DELE1: variants seen among roughly 807,000 people sequenced by gnomAD.
The protein encoded by DELE1 is DAP3 binding cell death enhancer 1.
In DELE1, 54 loss-of-function variants were observed where a neutral mutation model predicts 59.3. That is an observed-to-expected ratio of 0.91 (90% confidence interval 0.73 to 1.14). The LOEUF (loss-of-function observed/expected upper bound fraction) is 1.14, where lower values mean the gene tolerates loss of function less well. Ranked by LOEUF, DELE1 falls within the 50% of genes most tolerant of loss-of-function variation. The pLI, the probability that DELE1 is intolerant of heterozygous loss-of-function variation, is 0.00. For synonymous variants in DELE1, 264 were observed against 259.1 expected (o/e 1.02, Z -0.18); for missense variants, 636 against 643.9 (o/e 0.99, Z 0.13).
chr5:141,938,958 G>A lies in DELE1; in HGVS notation c.*199G>A, dbSNP rs150776952. 1.4e-6 allele frequency: 2 copies of A among 1,409,832 alleles called. No individual in the cohort carries two copies. The highest frequency in any genetic ancestry group is 1.4e-5 in the African/African-American group (1 of 69,136). The allele number at this position is 1,409,832 out of a possible 1,614,324, so 87.3% of individuals were successfully genotyped here. ...GTAGCCTCACAGATGAGTCTTGGAT[G>A]CATTCACAGTCATTTCTGGTCTGTG... On this transcript the variant is annotated 3_prime_UTR_variant, in exon 12 of 12. Transcript: ENST00000432126.
chr5:141,937,336 C>G lies in DELE1; in HGVS notation c.1288C>G (p.Leu430Val). The G allele has an allele frequency of 4.3e-6, 7 of 1,614,120 alleles. No individual in the cohort carries two copies. Among genetic ancestry groups the G allele is most frequent in the Admixed American group, 1.7e-5 (1 of 60,018 alleles). The change falls in exon 11 of 12, where the codon CTC becomes GTC. Residue 430 changes from leucine (L) to valine (V), a missense_variant. Leu to Val is a conservative substitution (Grantham distance 32). Transcript: ENST00000432126. ...GGCCGCCCAGGAGAGGCTGCGAGCC[C>G]TCTTTTCCATGGGGGCTGCAGGTAC... ...NEAAQERLRA[L>V]FSMGAAAPGP...
At chr5:141,924,453 A>G (rs1009173626) in intron 1 of DELE1, 128 bp from the exon 2 acceptor site, 28 of 660,406 alleles carry the variant, frequency 4.2e-5, no homozygotes, top group Non-Finnish European at 3.6e-5. Context: ...GTTCTGGGGT[A>G]CTACCCTAGA....
In DELE1 at chr5:141,939,742, A is replaced by G; in HGVS notation, c.*983A>G. On this transcript the variant is annotated 3_prime_UTR_variant, in exon 12 of 12. Transcript: ENST00000432126. ...GCTCTGCCACTTGCCTGGCCATGTC[A>G]CCTTGAAGCTGTGACCTGACTCCCT... 1 of 969,180 alleles carries G rather than the reference A, an allele frequency of 1.0e-6. No homozygotes were observed. The highest frequency in any genetic ancestry group is 4.8e-5 in the South Asian group (1 of 20,956). The allele number at this position is 969,180 out of a possible 1,614,324, so 60.0% of individuals were successfully genotyped here. A position where few individuals can be genotyped will look rare whatever the true frequency, so the allele number is the denominator to read the frequency against.
intron 2 of DELE1, 55 bp downstream of exon 2, chr5:141,924,750 A>ATT (rs372628786): frequency 3.2e-4 from 272 of 862,646 alleles, no homozygotes; most frequent in Non-Finnish European, 3.9e-4. Context: ...CTTTTTTTTT[A>ATT]TTTTTTTTTT....
intron 7 of DELE1, among the ~76,000 whole-genome samples, chr5:141,930,498 C>T (rs1751820234): frequency 6.6e-6 from 1 of 152,228 alleles, no homozygotes. Context: ...AATTCCAGCT[C>T]CTGCCCTCCT....
At chr5:141,934,168 T>A (rs1417473793) in intron 8 of DELE1, 72 bp from the exon 9 acceptor site, 2 of 1,340,948 alleles carry the variant, frequency 1.5e-6, no homozygotes, top group Admixed American at 2.6e-5. Context: ...AAATAATTTT[T>A]AAAAATTTCA....
At position 141,929,660 on chromosome 5, in the gene DELE1, A is replaced by G. The variant is rs1302978503; in HGVS notation, c.491A>G (p.Gln164Arg). ...GGCCTCAGGGAACCCAGGCTTGGCC[A>G]GGAAGAAGCCTCAGCTCAGCCCCGG... is the stretch of plus-strand genomic sequence containing the variant. ...HTGLREPRLG[Q>R]EEASAQPRNF... Residue 164 changes from glutamine (Q) to arginine (R), a missense_variant, in exon 5 of 12, where the codon CAG becomes CGG. Transcript: ENST00000432126. The G allele has an allele frequency of 6.2e-7, 1 of 1,614,096 alleles. No homozygotes were observed. The highest frequency in any genetic ancestry group is 8.5e-7 in the Non-Finnish European group (1 of 1,180,040).
chr5:141,930,088 T>C lies in DELE1; in HGVS notation c.657+14T>C. ...ACTGGTGAAAAGGTATTATCCAGAT[T>C]TGGCCACCTGGATCCCCATAACATT... On this transcript the variant is annotated intron_variant, in intron 6 of 11. Coordinates refer to ENST00000432126, the MANE Select transcript of DELE1 (RefSeq NM_014773.5). 6.2e-7 allele frequency: 1 copy of C among 1,613,286 alleles called. No individual in the cohort carries two copies. The highest frequency in any genetic ancestry group is 8.5e-7 in the Non-Finnish European group (1 of 1,179,286).
intron 7 of DELE1, among the ~76,000 whole-genome samples, chr5:141,930,964 T>C (rs1751861555): frequency 6.6e-6 from 1 of 152,226 alleles, no homozygotes; most frequent in Non-Finnish European, 1.5e-5. Context: ...CTGTTTTAGG[T>C]ACTGGGGATA....
rs1276372636 is a variant in DELE1, at chr5:141,933,118, A to G, written c.755-141A>G. On this transcript the variant is annotated intron_variant, in intron 7 of 11. Transcript: ENST00000432126. The stretch of plus-strand genomic sequence containing the variant: ...TCAAAAAAAAAAAAAAAAAATATAT[A>G]TATATATATATATATATGTAAAGTG... 2.0e-5 allele frequency: 3 copies of G among 153,054 alleles called. No individual in the cohort carries two copies. The East Asian group carries it at 5.4e-4, about 27-fold the overall frequency. The allele number at this position is 153,054 out of a possible 1,614,324, so 9.5% of individuals were successfully genotyped here.
chr5:141,937,167 G>A, intron 10 of DELE1, 31 bp from the exon 11 acceptor site: 1 of 1,612,858 alleles, frequency 6.2e-7, no homozygotes, highest in Non-Finnish European at 8.5e-7. Context: ...CTGCATGTGT[G>A]TATCTGTTTG....
Position 141,938,928 on chromosome 5 carries a change from G to A in DELE1, c.*169G>A, listed in dbSNP as rs546070476. The A allele has an allele frequency of 2.0e-5, 29 of 1,429,740 alleles. No homozygotes were observed. Among genetic ancestry groups the A allele is most frequent in the Middle Eastern group, 2.6e-4 (1 of 3,834 alleles). The allele number at this position is 1,429,740 out of a possible 1,614,324, so 88.6% of individuals were successfully genotyped here. A position where few individuals can be genotyped will look rare whatever the true frequency, so the allele number is the denominator to read the frequency against. On this transcript the variant is annotated 3_prime_UTR_variant, in exon 12 of 12. Coordinates refer to ENST00000432126, the MANE Select transcript of DELE1 (RefSeq NM_014773.5). ...TGGTAAGTGACTGATCTTTCCCCCC[G>A]CTTGGTAGCCTCACAGATGAGTCTT... is the stretch of plus-strand genomic sequence containing the variant.
Position 141,938,921 on chromosome 5 carries a change from T to C in DELE1, c.*162T>C, listed in dbSNP as rs1752578198. The stretch of plus-strand genomic sequence containing the variant: ...ACATGGCTGGTAAGTGACTGATCTT[T>C]CCCCCCGCTTGGTAGCCTCACAGAT... On this transcript the variant is annotated 3_prime_UTR_variant, in exon 12 of 12. Coordinates refer to ENST00000432126, the MANE Select transcript of DELE1 (RefSeq NM_014773.5). The C allele has an allele frequency of 5.6e-6, 8 of 1,432,736 alleles. No individual in the cohort carries two copies. Among genetic ancestry groups the C allele is most frequent in the Non-Finnish European group, 7.3e-6 (8 of 1,097,604 alleles). The allele number at this position is 1,432,736 out of a possible 1,614,324, so 88.8% of individuals were successfully genotyped here.
rs780550164 is a variant in DELE1 at position 141,934,476 on chromosome 5, C to G, written c.1057-18C>G. 1.2e-6 allele frequency: 2 copies of G among 1,614,214 alleles called. No individual in the cohort carries two copies. Among genetic ancestry groups the G allele is most frequent in the Non-Finnish European group, 1.7e-6 (2 of 1,180,018 alleles). On this transcript the variant is annotated intron_variant, in intron 9 of 11. Coordinates refer to ENST00000432126, the MANE Select transcript of DELE1 (RefSeq NM_014773.5). ...AAAGTGACCAAGATGCCTTCTTTTC[C>G]TTCCTCCTTGACCACAGGCCCAAGC...
chr5:141,936,316 A>C (rs1304862281), intron 10 of DELE1, among the ~76,000 whole-genome samples: 5 of 152,190 alleles, frequency 3.3e-5, no homozygotes, highest in African/African-American at 1.2e-4. Context: ...CAGTCTGGCT[A>C]TGCAGCTGGA....
chr5:141,929,197 G>T (rs906732434), intron 4 of DELE1, among the ~76,000 whole-genome samples: 1 of 152,168 alleles, frequency 6.6e-6, no homozygotes, highest in Admixed American at 6.5e-5. Context: ...AAACCTCAGG[G>T]AGGACTCAGT....
At chr5:141,935,879 C>T (rs1752311037) in intron 10 of DELE1, among the ~76,000 whole-genome samples, 2 of 152,352 alleles carry the variant, frequency 1.3e-5, no homozygotes, top group Admixed American at 6.5e-5. Context: ...TGGGTTTGTA[C>T]TGAGCAGTGT....
Position 141,939,091 on chromosome 5 carries a change from T to C in DELE1, c.*332T>C, listed in dbSNP as rs1752588319. 5 of 1,063,310 alleles carry C rather than the reference T, an allele frequency of 4.7e-6. No individual in the cohort carries two copies. In the African/African-American group the frequency reaches 8.3e-5, roughly 18 times the overall value. 65.9% of individuals were successfully genotyped at this position (1,063,310 alleles called of 1,614,324 possible). ...TGAGCAAATAACTTACCTTCTTCCT[T>C]CTTATGCCTGGGTTTTCTCACACTT... On this transcript the variant is annotated 3_prime_UTR_variant, in exon 12 of 12. Transcript: ENST00000432126.
In DELE1 at chr5:141,934,095, T is replaced by G. The variant is rs971325985; in HGVS notation, c.898-145T>G. ...TTATGTTTCTATTTTTGGTTTATAT[T>G]TTTAAATTTTAGCTTATCTGAATTT... On this transcript the variant is annotated intron_variant, in intron 8 of 11. Transcript: ENST00000432126. 4 of 657,250 alleles carry G rather than the reference T, an allele frequency of 6.1e-6. No individual in the cohort carries two copies. The African/African-American group carries it at 7.5e-5, about 12-fold the overall frequency. 40.7% of individuals were successfully genotyped at this position (657,250 alleles called of 1,614,324 possible). A position where few individuals can be genotyped will look rare whatever the true frequency, so the allele number is the denominator to read the frequency against.
Sources: allele counts gnomAD v4.1 joint callset (sites outside exome capture counted in the v4.1 genomes callset), GRCh38; gene constraint gnomAD v4.1.1; transcripts MANE v1.5; gene names NCBI Gene and HGNC (gene_info 2026-07-23, HGNC 2026-07-21).